Variants in DSC2 observed in about 807,000 individuals in gnomAD.
DSC2 encodes desmocollin-2.
Under a neutral mutation model 87.6 loss-of-function variants are expected in DSC2, and 51 were observed. That is an observed-to-expected ratio of 0.58 (90% CI 0.46 to 0.74). The LOEUF is 0.74. DSC2 is among the 30% of genes least tolerant of loss of function. The pLI is 0.00. For synonymous variants in DSC2, 383 were observed against 393.2 expected (o/e 0.97, Z 0.31); for missense variants, 1,066 against 1,089.5 (o/e 0.98, Z 0.30).
At chr18:31,073,383 A>G (rs1054702615) in intron 12 of DSC2, among the ~76,000 whole-genome samples, 2 of 150,776 alleles carry the variant, frequency 1.3e-5, no homozygotes, top group African/African-American at 4.9e-5. Flanking sequence ...GCACACACAC[A>G]CACACACACA....
At position 31,101,955 on chromosome 18, in the gene DSC2, G is replaced by C. The variant is rs1378826078; in HGVS notation, c.17C>G (p.Pro6Arg). Residue 6 changes from proline (P) to arginine (R), a missense_variant, in exon 1 of 16, where the codon CCC becomes CGC. Coordinates refer to ENST00000280904, the MANE Select transcript of DSC2 (RefSeq NM_024422.6). The part of the protein sequence containing the change: MEAAR[P>R]SGSWNGALCR... Reference sequence around the variant, plus strand: ...GAGGGCTCCGTTCCAGGAGCCGGAGGGGCGGGCTGCCTCCATGGAGAGGGC... The same window carrying C: ...GAGGGCTCCGTTCCAGGAGCCGGAGCGGCGGGCTGCCTCCATGGAGAGGGC... The C allele has an allele frequency of 6.5e-7, 1 of 1,526,878 alleles. No individual in the cohort carries two copies. The highest frequency in any genetic ancestry group is 1.4e-5 in the African/African-American group (1 of 71,568). The allele number at this position is 1,526,878 out of a possible 1,614,324, so 94.6% of individuals were successfully genotyped here.
At position 31,058,973 on chromosome 18, in the gene DSC2, A is replaced by G. The variant is rs954813890; in HGVS notation, c.*9042T>C. The G allele has an allele frequency of 1.1e-4, 16 of 152,346 alleles. No individual in the cohort carries two copies. Among genetic ancestry groups the G allele is most frequent in the Non-Finnish European group, 1.9e-4 (13 of 68,046 alleles). The allele number at this position is 152,346 out of a possible 1,614,324, so 9.4% of individuals were successfully genotyped here. A position where few individuals can be genotyped will look rare whatever the true frequency, so the allele number is the denominator to read the frequency against. On this transcript the variant is annotated 3_prime_UTR_variant, in exon 16 of 16. Coordinates refer to ENST00000280904, the MANE Select transcript of DSC2 (RefSeq NM_024422.6). ...ATAAATTTTAACACCGAACATTTAC[A>G]TAGAACTATGTTCTAGCAATTTTTT...
At position 31,079,443 on chromosome 18, in the gene DSC2, C is replaced by T. The variant is rs1019202916; in HGVS notation, c.1663+404G>A. Among the ~76,000 whole-genome samples, 6 of 152,020 alleles carry T rather than the reference C, an allele frequency of 3.9e-5. No homozygotes were observed. In the South Asian group the frequency reaches 1.0e-3, roughly 26 times the overall value. On this transcript the variant is annotated intron_variant, in intron 11 of 15. Coordinates refer to ENST00000280904, the MANE Select transcript of DSC2 (RefSeq NM_024422.6). ...TAATTTTTAATATTTTTGGTAGAGA[C>T]GGGATTTCACCATGTTGGCCAGGCT... is the stretch of plus-strand genomic sequence containing the variant.
chr18:31,062,304 G>A lies in DSC2; in HGVS notation c.*5711C>T, dbSNP rs1320548710. 6.6e-6 allele frequency: 1 copy of A among 152,020 alleles called. No homozygotes were observed. Among genetic ancestry groups the A allele is most frequent in the East Asian group, 1.9e-4 (1 of 5,178 alleles). The allele number at this position is 152,020 out of a possible 1,614,324, so 9.4% of individuals were successfully genotyped here. A position where few individuals can be genotyped will look rare whatever the true frequency, so the allele number is the denominator to read the frequency against. On this transcript the variant is annotated 3_prime_UTR_variant, in exon 16 of 16. Coordinates refer to ENST00000280904, the MANE Select transcript of DSC2 (RefSeq NM_024422.6). ...ACAACATTTTATAAATAACTAATGG[G>A]AATTTTGGCAAACTCATAAGAATCA...
At chr18:31,091,367 G>A (rs965330807) in intron 3 of DSC2, among the ~76,000 whole-genome samples, 3 of 152,118 alleles carry the variant, frequency 2.0e-5, no homozygotes, top group African/African-American at 7.2e-5. Flanking sequence ...AAATGATTTG[G>A]TGGAAATATG....
chr18:31,091,776 T>C (rs1006979020), intron 3 of DSC2, among the ~76,000 whole-genome samples: 3 of 152,200 alleles, frequency 2.0e-5, no homozygotes, highest in Admixed American at 6.5e-5. Flanking sequence ...TTCCTTTCTT[T>C]ATACAGAGTT....
rs1385184885 is a variant in DSC2, at chr18:31,080,111, C to A, written c.1505G>T (p.Ser502Ile). Residue 502 changes from serine to isoleucine, a missense_variant, in exon 10 of 16, where the codon AGT becomes ATT. Physicochemically the swap from Ser to Ile is moderately radical, Grantham distance 142. Transcript: ENST00000280904. ...TGGTAAGTACCTTATGCCACTGCTACTTCTTGTTTCTGGGTCATATGCTTT... is the reference window on the plus strand; with the variant it reads ...TGGTAAGTACCTTATGCCACTGCTAATTCTTGTTTCTGGGTCATATGCTTT... ...GYKAYDPETRSSSGIRYKKLT... is the reference protein window; with the variant it reads ...GYKAYDPETRISSGIRYKKLT... 3 of 1,613,830 alleles carry A rather than the reference C, an allele frequency of 1.9e-6. No homozygotes were observed. The highest frequency in any genetic ancestry group is 2.5e-6 in the Non-Finnish European group (3 of 1,180,002).
In DSC2 at chr18:31,082,927, G is replaced by GTT; in HGVS notation, c.1075_1076insAA (p.Ser359Ter). ...CTTTAATTAATATCATACACTTACAGAAGTACGAGTAAATGTTGGCAAGTG... is the reference window on the plus strand; with the variant it reads ...CTTTAATTAATATCATACACTTACAGTTAAGTACGAGTAAATGTTGGCAAGTG... Reference protein sequence around the residue: ...NDHLPTFTRTSYVTSVEENTV... With the variant: ...NDHLPTFTRT Residue 359 changes from serine to a stop codon, truncating the protein, a stop_gained and frameshift_variant and splice_region_variant, in exon 8 of 16, where the codon TCT becomes TAACT. Coordinates refer to ENST00000280904, the MANE Select transcript of DSC2 (RefSeq NM_024422.6). LOFTEE classifies it high-confidence loss of function. 6.2e-7 allele frequency: 1 copy of GTT among 1,613,086 alleles called. No individual in the cohort carries two copies. The highest frequency in any genetic ancestry group is 8.5e-7 in the Non-Finnish European group (1 of 1,179,768).
Position 31,080,413 on chromosome 18 carries a change from G to A in DSC2, c.1264-61C>T, listed in dbSNP as rs572632888. 433 of 1,577,402 alleles carry A rather than the reference G, an allele frequency of 2.7e-4. 1 individual carries two copies. Among genetic ancestry groups the A allele is most frequent in the Non-Finnish European group, 3.4e-4 (387 of 1,154,476 alleles). On this transcript the variant is annotated intron_variant, in intron 9 of 15. Coordinates refer to ENST00000280904, the MANE Select transcript of DSC2 (RefSeq NM_024422.6). ...TCATTTAATATTTGGCAATGCTAACGAGTATATATAATGTTAAATTTGGAA... is the reference window on the plus strand; with the variant it reads ...TCATTTAATATTTGGCAATGCTAACAAGTATATATAATGTTAAATTTGGAA...
Position 31,074,727 on chromosome 18 carries a change from G to T in DSC2, c.1844C>A (p.Ser615Tyr), listed in dbSNP as rs756304120. The T allele has an allele frequency of 1.4e-5, 23 of 1,613,688 alleles. No individual in the cohort carries two copies. The Admixed American group carries it at 2.5e-4, about 18-fold the overall frequency. ...CCACATTCTCTGTACTTCTGAAGTA[G>T]AACTCTCCAGACTAAAGTCAAAGGG... is the stretch of plus-strand genomic sequence containing the variant. Reference protein sequence around the residue: ...GPPFDFSLESSTSEVQRMWRL... With the variant: ...GPPFDFSLESYTSEVQRMWRL... Residue 615 changes from serine to tyrosine, a missense_variant, in exon 12 of 16, where the codon TCT becomes TAT. Transcript: ENST00000280904.
chr18:31,091,739 T>C (rs898346559), intron 3 of DSC2, among the ~76,000 whole-genome samples: 7 of 152,226 alleles, frequency 4.6e-5, no homozygotes, highest in Admixed American at 6.5e-5. Context: ...CCACAGATTA[T>C]GCTAAAATGA....
rs140232809 is a variant in DSC2 at position 31,074,796 on chromosome 18, G to A, written c.1775C>T (p.Ala592Val). 181 of 1,613,972 alleles carry A rather than the reference G, an allele frequency of 1.1e-4. No individual in the cohort carries two copies. The African/African-American group carries it at 1.4e-3, about 13-fold the overall frequency. The change falls in exon 12 of 16, where the codon GCG becomes GTG. Residue 592 changes from alanine (A) to valine (V), a missense_variant. Coordinates refer to ENST00000280904, the MANE Select transcript of DSC2 (RefSeq NM_024422.6). ...VIICKPTMSS[A>V]EIVAVDPDEP... Reference sequence around the variant, plus strand: ...ATCAGGATCAACCGCAACAATCTCCGCAGATGACATGGTGGGTTTGCAGAT... The same window carrying A: ...ATCAGGATCAACCGCAACAATCTCCACAGATGACATGGTGGGTTTGCAGAT...
rs1160258880 is a variant in DSC2, at chr18:31,061,386, G to C, written c.*6629C>G. 3 of 152,232 alleles carry C rather than the reference G, an allele frequency of 2.0e-5. No homozygotes were observed. Among genetic ancestry groups the C allele is most frequent in the African/African-American group, 7.2e-5 (3 of 41,470 alleles). 9.4% of individuals were successfully genotyped at this position (152,232 alleles called of 1,614,324 possible). A position where few individuals can be genotyped will look rare whatever the true frequency, so the allele number is the denominator to read the frequency against. On this transcript the variant is annotated 3_prime_UTR_variant, in exon 16 of 16. Coordinates refer to ENST00000280904, the MANE Select transcript of DSC2 (RefSeq NM_024422.6). ...AAGGTACAGTCACAAAGGGAAGAGA[G>C]AATGAAACAAAACAGCCCTTGCCAT... is the stretch of plus-strand genomic sequence containing the variant.
chr18:31,102,111 A>G lies in DSC2; in HGVS notation c.-140T>C. On this transcript the variant is annotated 5_prime_UTR_variant, in exon 1 of 16. Transcript: ENST00000280904. Reference sequence around the variant, plus strand: ...GGCGGAGGAGGTGGGGCGCGCGGAGAGGTGCTTTTCTTAGCTTCTCTGAAG... The same window carrying G: ...GGCGGAGGAGGTGGGGCGCGCGGAGGGGTGCTTTTCTTAGCTTCTCTGAAG... 1 of 681,868 alleles carries G rather than the reference A, an allele frequency of 1.5e-6. No individual in the cohort carries two copies. Among genetic ancestry groups the G allele is most frequent in the Non-Finnish European group, 2.2e-6 (1 of 450,728 alleles). 42.2% of individuals were successfully genotyped at this position (681,868 alleles called of 1,614,324 possible).
In DSC2 at chr18:31,102,002, G is replaced by GC. The variant is rs1987981467; in HGVS notation, c.-32dup. On this transcript the variant is annotated 5_prime_UTR_variant, in exon 1 of 16. Coordinates refer to ENST00000280904, the MANE Select transcript of DSC2 (RefSeq NM_024422.6). The stretch of plus-strand genomic sequence containing the variant: ...GGGCTCGGGGCAGGTCGCGGGCCGA[G>GC]CGTCGGGCCGGGGTAGGAGGGCTCC... 1 of 1,479,332 alleles carries GC rather than the reference G, an allele frequency of 6.8e-7. No homozygotes were observed. 91.6% of individuals were successfully genotyped at this position (1,479,332 alleles called of 1,614,324 possible). A position where few individuals can be genotyped will look rare whatever the true frequency, so the allele number is the denominator to read the frequency against.
chr18:31,078,400 T>C (rs994919113), intron 11 of DSC2, among the ~76,000 whole-genome samples: 1 of 152,102 alleles, frequency 6.6e-6, no homozygotes, highest in Non-Finnish European at 1.5e-5. Flanking sequence ...CAGTGCCCCA[T>C]CTCAATTCCA....
Position 31,087,788 on chromosome 18 carries a change from T to A in DSC2, c.656A>T (p.Asp219Val), listed in dbSNP as rs1047981208. 8 of 1,613,874 alleles carry A rather than the reference T, an allele frequency of 5.0e-6. No homozygotes were observed. Among genetic ancestry groups the A allele is most frequent in the Non-Finnish European group, 5.9e-6 (7 of 1,179,858 alleles). ...CAGTGGAAGTTCTGGAGTATACCCA[T>A]CTGGAGTTGTTGCAAAGGCAATTAT... ...FEIIAFATTP[D>V]GYTPELPLPL... The change falls in exon 6 of 16, where the codon GAT (aspartate) becomes GTT (valine). Residue 219 changes from aspartate to valine, a missense_variant. Asp to Val is a radical substitution (Grantham distance 152). Transcript: ENST00000280904.
At chr18:31,090,685 T>C (rs1987562452) in intron 4 of DSC2, among the ~76,000 whole-genome samples, 1 of 152,212 alleles carries the variant, frequency 6.6e-6, no homozygotes, top group African/African-American at 2.4e-5. Context: ...GTCTTCCTCC[T>C]TCGTGGCATT....
chr18:31,091,939 A>G (rs1021093652), intron 3 of DSC2, among the ~76,000 whole-genome samples, 162 bp downstream of exon 3: 2 of 152,170 alleles, frequency 1.3e-5, no homozygotes, highest in Non-Finnish European at 2.9e-5. Context: ...GAACCATGTG[A>G]CACAGCCCTT....
Sources: gnomAD v4.1 joint callset for allele counts (sites outside exome capture counted in the v4.1 genomes callset) on GRCh38, gnomAD v4.1.1 for gene constraint, MANE v1.5 for transcripts, NCBI Gene and HGNC (gene_info 2026-07-23, HGNC 2026-07-21) for gene names.